The following SYTL5 variants were observed in gnomAD, a reference collection of about 807,000 sequenced individuals.
SYTL5 encodes synaptotagmin-like protein 5.
Under a neutral mutation model 55.9 loss-of-function variants are expected in SYTL5, and 34 were observed. The observed-to-expected ratio is 0.61, with a 90% CI of 0.46 to 0.81. SYTL5 has a LOEUF of 0.81. SYTL5 is among the 30% of genes least tolerant of loss of function. The pLI is 0.00. For synonymous variants in SYTL5, 221 were observed against 188.7 expected (o/e 1.17, Z -1.40); for missense variants, 637 against 546.7 (o/e 1.17, Z -1.65).
chrX:37,953,896 A>G, the SYTL5 span, among the ~76,000 whole-genome samples: 2 of 111,401 alleles, frequency 1.8e-5, no homozygotes, highest in South Asian at 3.8e-4. Flanking sequence ...GAAGAGACAA[A>G]CTATACAGTA....
chrX:38,040,585 C>T (rs73465432), intron 2 of SYTL5, among the ~76,000 whole-genome samples: 10,786 of 109,853 alleles, frequency 0.098, 862 homozygotes, highest in Admixed American at 0.23. Flanking sequence ...CGAAGTTTGT[C>T]TTTCTGTACC....
At chrX:37,954,497 TTAAAGA>T in the SYTL5 span, among the ~76,000 whole-genome samples, 17 of 111,826 alleles carry the variant, frequency 1.5e-4, no homozygotes, top group Admixed American at 1.2e-3. Context: ...ATACAAGGTC[TTAAAGA>T]TAAGTAAGCA....
Position 38,092,975 on chromosome X carries a change from A to C in SYTL5, c.832-1320A>C, listed in dbSNP as rs185369784. 4.0e-3 allele frequency among the ~76,000 whole-genome samples: 452 copies of C among 112,011 alleles called. 3 individuals carry two copies. Among genetic ancestry groups the C allele is most frequent in the Non-Finnish European group, 6.3e-3 (333 of 53,163 alleles). On this transcript the variant is annotated intron_variant, in intron 7 of 16. Transcript: ENST00000297875. ...CAGATCACCTGTGGGAAAACTTGCC[A>C]TTAACATAATTGCCTCCAAGGAACT...
the SYTL5 span, among the ~76,000 whole-genome samples, chrX:37,975,280 TA>T: frequency 8.9e-6 from 1 of 111,761 alleles, no homozygotes; most frequent in Non-Finnish European, 1.9e-5. Context: ...CCAGGGACAT[TA>T]GCTTTCCACG....
chrX:38,024,860 A>G (rs1165847052), intron 1 of SYTL5, among the ~76,000 whole-genome samples: 3 of 111,625 alleles, frequency 2.7e-5, no homozygotes, highest in Non-Finnish European at 5.6e-5. Flanking sequence ...TTAAAAAAAA[A>G]ATCTTGACTA....
At chrX:37,999,710 G>C in the SYTL5 span, among the ~76,000 whole-genome samples, 6 of 111,999 alleles carry the variant, frequency 5.4e-5, no homozygotes, top group African/African-American at 2.0e-4. Flanking sequence ...AGGTCTTCTT[G>C]AGGTATACAG....
At chrX:37,895,664 T>C in the SYTL5 span, among the ~76,000 whole-genome samples, 1 of 108,335 alleles carries the variant, frequency 9.2e-6, no homozygotes, top group East Asian at 2.9e-4. Flanking sequence ...TGGTGGAGGA[T>C]GGTTAGGGAA....
chrX:38,002,291 G>T (rs1933877850), upstream of SYTL5, among the ~76,000 whole-genome samples: 1 of 111,938 alleles, frequency 8.9e-6, no homozygotes, highest in Non-Finnish European at 1.9e-5. Context: ...TTGGTTCCAA[G>T]TCTTTGCTAT....
chrX:37,956,190 C>CT, the SYTL5 span, among the ~76,000 whole-genome samples: 1 of 111,983 alleles, frequency 8.9e-6, no homozygotes, highest in East Asian at 2.8e-4. Context: ...GTTGCTGGTT[C>CT]TTGTCTATGC....
At chrX:37,951,882 G>A in the SYTL5 span, among the ~76,000 whole-genome samples, 1 of 111,311 alleles carries the variant, frequency 9.0e-6, no homozygotes, top group African/African-American at 3.3e-5. Flanking sequence ...GTCCTTTGGT[G>A]GATACATGGA....
chrX:38,083,138 AC>A (rs1483340860), intron 6 of SYTL5, among the ~76,000 whole-genome samples: 2 of 111,261 alleles, frequency 1.8e-5, no homozygotes, highest in Admixed American at 9.5e-5. Context: ...CTTCTAATTG[AC>A]CCAAGGCTTT....
chrX:38,037,067 G>A (rs5964286), intron 2 of SYTL5, among the ~76,000 whole-genome samples: 4,645 of 111,424 alleles, frequency 0.042, 255 homozygotes, highest in African/African-American at 0.14. Context: ...AGGACTTGAA[G>A]TACAAAATTA....
At chrX:37,970,937 C>T in the SYTL5 span, among the ~76,000 whole-genome samples, 489 of 112,169 alleles carry the variant, frequency 4.4e-3, 4 homozygotes, top group Non-Finnish European at 6.5e-3. Context: ...TTAATAGATG[C>T]AAACATAATG....
At chrX:38,036,934 A>G (rs774472971) in intron 2 of SYTL5, among the ~76,000 whole-genome samples, 25 of 111,989 alleles carry the variant, frequency 2.2e-4, no homozygotes, top group Non-Finnish European at 3.2e-4. Flanking sequence ...GTTGGTTATA[A>G]TCATTAGCCC....
chrX:37,993,671 A>G, the SYTL5 span, among the ~76,000 whole-genome samples: 1 of 112,340 alleles, frequency 8.9e-6, no homozygotes, highest in Non-Finnish European at 1.9e-5. Flanking sequence ...CATGGAGGCA[A>G]AATTGGGAGC....
chrX:37,968,400 A>G, the SYTL5 span, among the ~76,000 whole-genome samples: 1 of 110,974 alleles, frequency 9.0e-6, no homozygotes, highest in Non-Finnish European at 1.9e-5. Context: ...CCCCCAGACC[A>G]TTTTACCTTT....
In SYTL5 at chrX:38,110,431, C is replaced by G. The variant is rs1350695372; in HGVS notation, c.1545C>G (p.Asp515Glu). 8.3e-6 allele frequency: 10 copies of G among 1,206,434 alleles called. No individual in the cohort carries two copies. Among genetic ancestry groups the G allele is most frequent in the Non-Finnish European group, 1.0e-5 (9 of 893,333 alleles). The change falls in exon 13 of 17, where the codon GAC becomes GAG. Residue 515 changes from aspartate to glutamate, a missense_variant. By Grantham distance (45) the Asp-to-Glu change is conservative. Coordinates refer to ENST00000297875, the MANE Select transcript of SYTL5 (RefSeq NM_138780.3). ...TCGGGGAAGTAGAGATTCCTTTTGA[C>G]TCATGGAACTTTGAAAATCCAACTG... ...SFLGEVEIPF[D>E]SWNFENPTDE...
intron 7 of SYTL5, among the ~76,000 whole-genome samples, chrX:38,093,347 T>G (rs752636429): frequency 1.2e-3 from 140 of 112,245 alleles, no homozygotes; most frequent in Middle Eastern, 4.6e-3. Flanking sequence ...AGGCACTTTT[T>G]GATTGTTTAC....
the SYTL5 span, chrX:37,946,101 A>T: frequency 8.6e-6 from 1 of 116,235 alleles, no homozygotes; most frequent in Non-Finnish European, 1.9e-5. Context: ...TTCTATTTCA[A>T]TTTATACCTT....
Sources: allele counts gnomAD v4.1 joint callset (sites outside exome capture counted in the v4.1 genomes callset), GRCh38; gene constraint gnomAD v4.1.1; transcripts MANE v1.5; gene names NCBI Gene and HGNC (gene_info 2026-07-23, HGNC 2026-07-21).